Variants in OCA2 observed in about 807,000 individuals in gnomAD.
The protein encoded by OCA2 is OCA2 melanosomal transmembrane protein, also known as P protein.
OCA2 carries 77 observed loss-of-function variants against 100.2 expected under a neutral mutation model. That is an observed-to-expected ratio of 0.77 (90% CI 0.64 to 0.93). The LOEUF (loss-of-function observed/expected upper bound fraction) is 0.93, where lower values mean the gene tolerates loss of function less well. Among genes scored for constraint, OCA2 ranks in the 40% least tolerant of loss-of-function variants. OCA2 has a pLI of 0.00. For synonymous variants in OCA2, 432 were observed against 439.2 expected (o/e 0.98, Z 0.21); for missense variants, 1,062 against 1,089.1 (o/e 0.98, Z 0.35).
intron 18 of OCA2, among the ~76,000 whole-genome samples, chr15:27,943,683 A>AC (rs1157256424): frequency 6.6e-6 from 1 of 151,148 alleles, no homozygotes; most frequent in African/African-American, 2.4e-5. Context: ...AAAAAAAAAA[A>AC]AAAAAAAACC....
At chr15:27,977,409 G>A (rs903400684) in intron 14 of OCA2, among the ~76,000 whole-genome samples, 16 of 152,246 alleles carry the variant, frequency 1.1e-4, no homozygotes, top group Non-Finnish European at 2.2e-4. Context: ...ACTAGCACAC[G>A]TGGAGCTGGA....
chr15:27,995,813 CTTT>C (rs768060710), intron 9 of OCA2, among the ~76,000 whole-genome samples: 4 of 136,764 alleles, frequency 2.9e-5, no homozygotes, highest in Admixed American at 7.4e-5. Flanking sequence ...TTAAGCAACA[CTTT>C]TTTTTTTTTT....
At position 27,871,182 on chromosome 15, in the gene OCA2, A is replaced by G. The variant is rs780628028; in HGVS notation, c.2216T>C (p.Ile739Thr). ...GGTAGCAGTGAACGGGATGTTGTCA[A>G]TCAGGGACGACGCCAGGGCTGAGAC... ...VWVSALASSL[I>T]DNIPFTATMI... The change falls in exon 21 of 24, where the codon ATT (isoleucine) becomes ACT (threonine). Residue 739 changes from isoleucine (I) to threonine (T), a missense_variant. Coordinates refer to ENST00000354638, the MANE Select transcript of OCA2 (RefSeq NM_000275.3). 5.0e-6 allele frequency: 8 copies of G among 1,614,020 alleles called. No homozygotes were observed. The highest frequency in any genetic ancestry group is 6.8e-6 in the Non-Finnish European group (8 of 1,179,954).
intron 19 of OCA2, among the ~76,000 whole-genome samples, chr15:27,879,483 G>T (rs1014248869): frequency 6.6e-6 from 1 of 152,134 alleles, no homozygotes. Context: ...CAGTGTAAAA[G>T]CATTCCTATT....
chr15:27,889,214 A>G (rs1191931261), intron 19 of OCA2, among the ~76,000 whole-genome samples: 1 of 152,234 alleles, frequency 6.6e-6, no homozygotes, highest in African/African-American at 2.4e-5. Context: ...TGCAAGACTT[A>G]GCTACCCTTG....
rs543845854 is a variant in OCA2 at position 28,067,902 on chromosome 15, T to G, written c.227+13746A>C. Among the ~76,000 whole-genome samples the G allele has an allele frequency of 2.0e-5, 3 of 152,296 alleles. No individual in the cohort carries two copies. The East Asian group carries it at 5.8e-4, about 29-fold the overall frequency. On this transcript the variant is annotated intron_variant, in intron 2 of 23. Transcript: ENST00000354638. ...GAGTTTTTTGGTTAGTTTTTTGACT[T>G]GGTGATCTATCTAACACTGTCAATA...
the OCA2 span, among the ~76,000 whole-genome samples, chr15:27,728,464 T>A: frequency 6.6e-6 from 1 of 152,198 alleles, no homozygotes; most frequent in Non-Finnish European, 1.5e-5. Context: ...AGTAGAATTT[T>A]GGGGGTCCAT....
chr15:27,946,122 G>T (rs972846395), intron 18 of OCA2, among the ~76,000 whole-genome samples: 1 of 152,042 alleles, frequency 6.6e-6, no homozygotes. Context: ...ACCTCTCAGG[G>T]TGTGTTACAT....
chr15:27,798,951 G>A (rs1329270539), intron 23 of OCA2, among the ~76,000 whole-genome samples: 1 of 152,212 alleles, frequency 6.6e-6, no homozygotes, highest in East Asian at 1.9e-4. Context: ...GCACAACCCA[G>A]ATGGGCTGTT....
chr15:27,974,932 C>T (rs1004601181), intron 14 of OCA2, among the ~76,000 whole-genome samples: 1 of 152,242 alleles, frequency 6.6e-6, no homozygotes, highest in African/African-American at 2.4e-5. Flanking sequence ...AGGGTGTACT[C>T]ACCTCCAGGG....
chr15:27,821,163 G>A (rs1001866956), intron 23 of OCA2, among the ~76,000 whole-genome samples: 2 of 151,996 alleles, frequency 1.3e-5, no homozygotes, highest in African/African-American at 4.8e-5. Context: ...ATAACAACAC[G>A]AGAAAAGCAC....
chr15:27,971,826 A>T (rs993727360), intron 14 of OCA2, among the ~76,000 whole-genome samples: 4 of 151,454 alleles, frequency 2.6e-5, no homozygotes, highest in Admixed American at 6.6e-5. Flanking sequence ...TTCTTTGTGA[A>T]TTTTTTTTTC....
intron 2 of OCA2, among the ~76,000 whole-genome samples, chr15:28,041,879 G>T (rs8037142): frequency 0.096 from 14,665 of 152,158 alleles, 1,778 homozygotes; most frequent in East Asian, 0.66. Context: ...CATTGTTTAG[G>T]ATAAATTTAT....
At chr15:27,969,947 T>C (rs2040714833) in intron 14 of OCA2, among the ~76,000 whole-genome samples, 1 of 151,352 alleles carries the variant, frequency 6.6e-6, no homozygotes, top group Non-Finnish European at 1.5e-5. Flanking sequence ...TAGCTGAATC[T>C]ATTGAATATT....
chr15:27,745,390 G>C, the OCA2 span, among the ~76,000 whole-genome samples: 1 of 151,432 alleles, frequency 6.6e-6, no homozygotes, highest in Non-Finnish European at 1.5e-5. Flanking sequence ...AATTAGGAAT[G>C]CCTTTATTCT....
rs566840694 is a variant in OCA2, at chr15:28,089,170, G to A, written c.-21-7275C>T. ...CGGCCCACAGGCCACCAGACTTTAA[G>A]GTTATCTCCTTTGCTCCCTGAACAT... On this transcript the variant is annotated intron_variant, in intron 1 of 23. Coordinates refer to ENST00000354638, the MANE Select transcript of OCA2 (RefSeq NM_000275.3). Among the ~76,000 whole-genome samples the A allele has an allele frequency of 5.3e-5, 8 of 152,304 alleles. No individual in the cohort carries two copies. The East Asian group carries it at 1.2e-3, about 22-fold the overall frequency.
chr15:27,842,033 A>G (rs1223064999), intron 23 of OCA2, among the ~76,000 whole-genome samples: 1 of 152,274 alleles, frequency 6.6e-6, no homozygotes, highest in Non-Finnish European at 1.5e-5. Context: ...ATTATCAGAA[A>G]TGAAACAAGG....
At chr15:27,756,392 G>A (rs1434523427) in intron 23 of OCA2, among the ~76,000 whole-genome samples, 3 of 152,218 alleles carry the variant, frequency 2.0e-5, no homozygotes, top group Admixed American at 6.5e-5. Flanking sequence ...TTCCATGAGC[G>A]AGACAGCTCC....
In OCA2 at chr15:27,808,095, G is replaced by C. The variant is rs542907423; in HGVS notation, c.2432+36864C>G. Among the ~76,000 whole-genome samples, 5 of 152,374 alleles carry C rather than the reference G, an allele frequency of 3.3e-5. No homozygotes were observed. In the East Asian group the frequency reaches 9.7e-4, roughly 29 times the overall value. On this transcript the variant is annotated intron_variant, in intron 23 of 23. Transcript: ENST00000354638. The stretch of plus-strand genomic sequence containing the variant: ...GTCATGGAGATAGTGGCCCCAGAGG[G>C]CATCCCAGTCTCTATTCTACATGGG...
Sources: gnomAD v4.1 joint callset for allele counts (sites outside exome capture counted in the v4.1 genomes callset) on GRCh38, gnomAD v4.1.1 for gene constraint, MANE v1.5 for transcripts, NCBI Gene and HGNC (gene_info 2026-07-23, HGNC 2026-07-21) for gene names.